Variants in STK3 observed in about 807,000 individuals in gnomAD.
STK3 encodes the protein serine/threonine-protein kinase 3.
STK3 carries 41 observed loss-of-function variants against 58.0 expected under a neutral mutation model. The observed-to-expected ratio is 0.71, with a 90% CI of 0.55 to 0.92. STK3 has a LOEUF of 0.92. Ranked by LOEUF, STK3 falls within the 40% of genes least tolerant of loss-of-function variation. The pLI is 0.00. For synonymous variants in STK3, 170 were observed against 191.0 expected (o/e 0.89, Z 0.91); for missense variants, 479 against 602.7 (o/e 0.79, Z 2.15).
intron 1 of STK3, among the ~76,000 whole-genome samples, chr8:98,914,383 G>A (rs1839261520): frequency 6.6e-6 from 1 of 151,948 alleles, no homozygotes. Flanking sequence ...CTTCCAGCTT[G>A]GGCAACAGAG....
intron 1 of STK3, among the ~76,000 whole-genome samples, chr8:98,912,032 G>T (rs1466686623): frequency 1.3e-5 from 2 of 152,142 alleles, no homozygotes; most frequent in Non-Finnish European, 2.9e-5. Flanking sequence ...TTCCTCACCT[G>T]AGTTTAAGAC....
intron 6 of STK3, among the ~76,000 whole-genome samples, chr8:98,656,257 T>G (rs1455122618): frequency 1.3e-5 from 2 of 151,986 alleles, no homozygotes; most frequent in East Asian, 3.9e-4. Context: ...ACACTGCATG[T>G]TCTCACTCAT....
intron 9 of STK3, among the ~76,000 whole-genome samples, chr8:98,538,900 C>T (rs967161270): frequency 2.6e-5 from 4 of 152,154 alleles, no homozygotes; most frequent in Admixed American, 6.5e-5. Flanking sequence ...CACACCTTAC[C>T]TGGATTCCTC....
At chr8:98,630,118 C>T (rs965150027) in intron 6 of STK3, among the ~76,000 whole-genome samples, 1 of 152,166 alleles carries the variant, frequency 6.6e-6, no homozygotes, top group Admixed American at 6.5e-5. Context: ...TCCTAAACAA[C>T]CCTGGTGCTT....
intron 10 of STK3, among the ~76,000 whole-genome samples, chr8:98,462,143 T>C (rs1444646114): frequency 4.6e-5 from 7 of 152,330 alleles, no homozygotes; most frequent in South Asian, 2.1e-4. Context: ...TTATTAACTA[T>C]AGTAACCCTG....
At chr8:98,686,265 C>T in intron 6 of STK3, among the ~76,000 whole-genome samples, 1 of 152,062 alleles carries the variant, frequency 6.6e-6, no homozygotes, top group East Asian at 1.9e-4. Flanking sequence ...ACAGAAGGCA[C>T]TCTAGATGAC....
chr8:98,857,383 G>C (rs970438401), intron 3 of STK3, among the ~76,000 whole-genome samples: 2 of 150,064 alleles, frequency 1.3e-5, no homozygotes, highest in Admixed American at 6.6e-5. Context: ...AAGGTTAAAG[G>C]AGCATTCTCC....
At chr8:98,741,313 C>A (rs2131311582) in intron 4 of STK3, among the ~76,000 whole-genome samples, 1 of 152,296 alleles carries the variant, frequency 6.6e-6, no homozygotes, top group South Asian at 2.1e-4. Context: ...CACCACACCA[C>A]ACCTGTTCCA....
intron 3 of STK3, among the ~76,000 whole-genome samples, chr8:98,871,754 G>A (rs939312164): frequency 4.2e-4 from 64 of 152,300 alleles, no homozygotes; most frequent in African/African-American, 1.4e-3. Flanking sequence ...TGAGATGATG[G>A]AGTTTTCTAA....
At chr8:98,707,400 G>T (rs1204091678) in intron 4 of STK3, 89 bp from the exon 5 acceptor site, 3 of 724,080 alleles carry the variant, frequency 4.1e-6, no homozygotes, top group Admixed American at 7.4e-5. Context: ...ATGTCTTTCC[G>T]TGTGTGTGTG....
chr8:98,744,963 G>T (rs946290850), intron 4 of STK3, among the ~76,000 whole-genome samples: 1 of 151,350 alleles, frequency 6.6e-6, no homozygotes, highest in Non-Finnish European at 1.5e-5. Flanking sequence ...ACTCCAGCTA[G>T]ATTAAAGATG....
chr8:98,381,421 C>T (rs1263778918), intron 1 of STK3, among the ~76,000 whole-genome samples: 2 of 152,216 alleles, frequency 1.3e-5, no homozygotes, highest in Non-Finnish European at 2.9e-5. Context: ...ATTGATAGCT[C>T]TGGATCAATT....
intron 1 of STK3, among the ~76,000 whole-genome samples, chr8:98,926,900 C>T (rs922628980): frequency 2.6e-5 from 4 of 152,168 alleles, no homozygotes; most frequent in African/African-American, 7.2e-5. Flanking sequence ...CTGAGAAGTT[C>T]CAGGCAGCAG....
At chr8:98,432,953 A>C (rs1463831295) in intron 3 of STK3, 1 of 154,886 alleles carries the variant, frequency 6.5e-6, no homozygotes, top group Non-Finnish European at 1.5e-5. Flanking sequence ...TGTGCAGATT[A>C]AATAGACAAA....
chr8:98,542,790 A>G (rs1478024955), intron 9 of STK3, among the ~76,000 whole-genome samples: 1 of 152,210 alleles, frequency 6.6e-6, no homozygotes. Flanking sequence ...AATTTACCTA[A>G]TACACACACC....
chr8:98,510,238 C>A (rs1045024531), intron 10 of STK3, among the ~76,000 whole-genome samples: 20 of 152,096 alleles, frequency 1.3e-4, no homozygotes, highest in Non-Finnish European at 2.2e-4. Context: ...TATTATTGAA[C>A]AGTCACATTT....
intron 7 of STK3, among the ~76,000 whole-genome samples, chr8:98,583,845 ATGTGTGTGTG>A (rs529496460): frequency 3.5e-5 from 5 of 144,752 alleles, no homozygotes; most frequent in Admixed American, 6.9e-5. Context: ...GAGAGAGTGT[ATGTGTGTGTG>A]TGTGTGTGTG....
At chr8:98,619,181 C>G (rs972162138) in intron 6 of STK3, among the ~76,000 whole-genome samples, 21 of 150,836 alleles carry the variant, frequency 1.4e-4, no homozygotes, top group Admixed American at 8.6e-4. Flanking sequence ...ACTATCTGAT[C>G]TTTGACAAAC....
intron 4 of STK3, among the ~76,000 whole-genome samples, chr8:98,741,340 T>C (rs1415837882): frequency 6.6e-6 from 1 of 152,102 alleles, no homozygotes; most frequent in Non-Finnish European, 1.5e-5. Flanking sequence ...ACCACATAGT[T>C]GGAAGTAAAG....
Sources: gnomAD v4.1 joint callset for allele counts (sites outside exome capture counted in the v4.1 genomes callset) on GRCh38, gnomAD v4.1.1 for gene constraint, MANE v1.5 for transcripts, NCBI Gene and HGNC (gene_info 2026-07-23, HGNC 2026-07-21) for gene names.